The following FAM227B variants were observed in gnomAD, a reference collection of about 807,000 sequenced individuals.
FAM227B encodes the protein family with sequence similarity 227 member B.
FAM227B carries 88 observed loss-of-function variants against 73.8 expected under a neutral mutation model. The observed-to-expected ratio is 1.19, with a 90% confidence interval of 1.00 to 1.42. The LOEUF (loss-of-function observed/expected upper bound fraction) is 1.42, where lower values mean the gene tolerates loss of function less well. Among genes scored for constraint, FAM227B ranks in the 40% most tolerant of loss-of-function variants. The pLI is 0.00. For missense variants in FAM227B, 632 were observed against 590.9 expected (o/e 1.07, Z -0.72); for synonymous variants, 210 against 190.5 (o/e 1.10, Z -0.84).
chr15:49,452,484 G>A (rs1314556296), intron 11 of FAM227B, among the ~76,000 whole-genome samples: 1 of 152,130 alleles, frequency 6.6e-6, no homozygotes, highest in Non-Finnish European at 1.5e-5. Flanking sequence ...TAAGTAAAAA[G>A]CTGCCAGAGA....
intron 13 of FAM227B, among the ~76,000 whole-genome samples, chr15:49,350,052 G>A (rs1161953930): frequency 6.6e-6 from 1 of 152,106 alleles, no homozygotes; most frequent in Non-Finnish European, 1.5e-5. Flanking sequence ...AAGGCTGCAC[G>A]TGACAAAGTA....
At chr15:49,600,934 C>T (rs1216714012) in intron 3 of FAM227B, among the ~76,000 whole-genome samples, 1 of 149,462 alleles carries the variant, frequency 6.7e-6, no homozygotes, top group Middle Eastern at 3.6e-3. Context: ...CCCAGCTACA[C>T]CGGAGGCTGA....
intron 11 of FAM227B, among the ~76,000 whole-genome samples, chr15:49,499,328 A>T (rs1040198555): frequency 2.0e-5 from 3 of 152,138 alleles, no homozygotes; most frequent in Non-Finnish European, 4.4e-5. Flanking sequence ...TTGAAAATTT[A>T]AAATGCCATG....
At chr15:49,502,709 A>G (rs531220981) in intron 11 of FAM227B, among the ~76,000 whole-genome samples, 1 of 152,232 alleles carries the variant, frequency 6.6e-6, no homozygotes, top group East Asian at 1.9e-4. Flanking sequence ...GCATGATTGT[A>G]TTTTGCAATG....
At chr15:49,401,394 CT>C (rs1370712702) in intron 11 of FAM227B, among the ~76,000 whole-genome samples, 4 of 151,882 alleles carry the variant, frequency 2.6e-5, no homozygotes. Flanking sequence ...CACTTTTACA[CT>C]GTTGGTGGGA....
chr15:49,353,142 T>C (rs12902096), intron 13 of FAM227B, among the ~76,000 whole-genome samples: 38,411 of 152,140 alleles, frequency 0.25, 5,992 homozygotes, highest in Non-Finnish European at 0.35. Flanking sequence ...CCACTGATAG[T>C]GTGGAAAGTC....
intron 10 of FAM227B, among the ~76,000 whole-genome samples, chr15:49,531,704 C>T (rs1341411062): frequency 1.3e-5 from 2 of 151,934 alleles, no homozygotes; most frequent in African/African-American, 4.8e-5. Flanking sequence ...GGGTTTAGTC[C>T]TCCAAGAGGC....
intron 10 of FAM227B, among the ~76,000 whole-genome samples, chr15:49,514,224 C>T (rs2059226979): frequency 6.6e-6 from 1 of 152,104 alleles, no homozygotes; most frequent in Non-Finnish European, 1.5e-5. Context: ...TTTTCCTATC[C>T]ATGAGGATAG....
chr15:49,442,404 G>A (rs551949743), intron 11 of FAM227B, among the ~76,000 whole-genome samples: 2 of 151,788 alleles, frequency 1.3e-5, no homozygotes, highest in African/African-American at 2.4e-5. Context: ...CCTTGTGAGA[G>A]TAAAATGTGA....
chr15:49,365,142 C>T, intron 13 of FAM227B: 1 of 734,476 alleles, frequency 1.4e-6, no homozygotes, highest in Non-Finnish European at 2.5e-6. Flanking sequence ...ACAATCTGTT[C>T]ACCAGACATC....
intron 11 of FAM227B, among the ~76,000 whole-genome samples, chr15:49,432,733 G>A (rs977500005): frequency 4.6e-5 from 7 of 151,354 alleles, no homozygotes; most frequent in African/African-American, 7.3e-5. Context: ...ATATGATTTC[G>A]GACTATTAGA....
chr15:49,485,031 C>T (rs2056291194), intron 11 of FAM227B: 1 of 151,664 alleles, frequency 6.6e-6, no homozygotes, highest in Non-Finnish European at 1.5e-5. Flanking sequence ...TACTTAAACT[C>T]TAATCAGAAA....
At chr15:49,400,324 C>T (rs200131232) in intron 11 of FAM227B, among the ~76,000 whole-genome samples, 35 of 101,058 alleles carry the variant, frequency 3.5e-4, no homozygotes, top group African/African-American at 1.5e-3. Flanking sequence ...AGGAGAACTA[C>T]AAACCACTGC....
rs2038803352 is a variant in FAM227B, at chr15:49,331,766, G to C, written c.1419+14C>G. On this transcript the variant is annotated intron_variant, in intron 15 of 15. Transcript: ENST00000299338. ...GAGAGAGAATTCTCAATTATTTTCA[G>C]AAAGAAAACCTACCAGTTTATGTAG... is the stretch of plus-strand genomic sequence containing the variant. 6.6e-7 allele frequency: 1 copy of C among 1,520,350 alleles called. No homozygotes were observed. The highest frequency in any genetic ancestry group is 1.7e-5 in the Admixed American group (1 of 59,812). The allele number at this position is 1,520,350 out of a possible 1,614,324, so 94.2% of individuals were successfully genotyped here. A position where few individuals can be genotyped will look rare whatever the true frequency, so the allele number is the denominator to read the frequency against.
At chr15:49,501,232 G>A (rs2058105443) in intron 11 of FAM227B, among the ~76,000 whole-genome samples, 1 of 152,202 alleles carries the variant, frequency 6.6e-6, no homozygotes, top group Admixed American at 6.5e-5. Context: ...AGGCTCAGAA[G>A]AAGACAGGAA....
intron 11 of FAM227B, among the ~76,000 whole-genome samples, chr15:49,494,772 AAGAGCAGCTG>A (rs2057452674): frequency 6.6e-6 from 1 of 152,190 alleles, no homozygotes; most frequent in Non-Finnish European, 1.5e-5. Context: ...AAGCTCCTTT[AAGAGCAGCTG>A]TTAAGCACTC....
In FAM227B at chr15:49,489,883, T is replaced by TATATATATATATAG. The variant is rs1555505060; in HGVS notation, c.1012+18327_1012+18328insCTATATATATATAT. On this transcript the variant is annotated intron_variant, in intron 11 of 15. Coordinates refer to ENST00000299338, the MANE Select transcript of FAM227B (RefSeq NM_152647.3). ...TTTTATATATATATATATATATATA[T>TATATATATATATAG]AGAGAGAGAGAGAGAGAGAGAGAGA... Among the ~76,000 whole-genome samples the TATATATATATATAG allele has an allele frequency of 2.3e-3, 53 of 22,944 alleles. 5 individuals carry two copies. The highest frequency in any genetic ancestry group is 0.019 in the Middle Eastern group (1 of 52). The allele number at this position is 22,944 out of a possible 152,430, so 15.1% of individuals were successfully genotyped here.
intron 13 of FAM227B, among the ~76,000 whole-genome samples, chr15:49,363,378 T>G (rs1390217407): frequency 6.6e-6 from 1 of 152,186 alleles, no homozygotes; most frequent in Non-Finnish European, 1.5e-5. Context: ...TTATTCTTTT[T>G]GTGGCTATTG....
rs1462100217 is a variant in FAM227B, at chr15:49,476,238, T to G, written c.1012+31973A>C. Among the ~76,000 whole-genome samples, 16 of 149,378 alleles carry G rather than the reference T, an allele frequency of 1.1e-4. 1 individual carries two copies. Among genetic ancestry groups the G allele is most frequent in the South Asian group, 8.4e-4 (4 of 4,758 alleles). ...TTTTGTTTTTTTGTTTTTGGTTTTT[T>G]TTTTTTTGCATTTGGCATATACTGC... On this transcript the variant is annotated intron_variant, in intron 11 of 15. Coordinates refer to ENST00000299338, the MANE Select transcript of FAM227B (RefSeq NM_152647.3).
Sources: gnomAD v4.1 joint callset for allele counts (sites outside exome capture counted in the v4.1 genomes callset) on GRCh38, gnomAD v4.1.1 for gene constraint, MANE v1.5 for transcripts, NCBI Gene and HGNC (gene_info 2026-07-23, HGNC 2026-07-21) for gene names.